PRKN: variants seen among roughly 807,000 people sequenced by gnomAD.
PRKN encodes the protein E3 ubiquitin-protein ligase parkin.
Under a neutral mutation model 59.5 loss-of-function variants are expected in PRKN, and 56 were observed. The ratio of observed to expected loss-of-function variants is 0.94; its 90% CI spans 0.76 to 1.18. PRKN has a LOEUF of 1.18. PRKN is among the 50% of genes most tolerant of loss of function. The probability of loss-of-function intolerance (pLI) is 0.00; values close to 1 mark genes in which losing one functional copy is unlikely to be tolerated. For missense variants in PRKN, 657 were observed against 596.4 expected, an observed-to-expected ratio of 1.10 and a Z score of -1.06; for synonymous variants, 250 against 222.1, an observed-to-expected ratio of 1.13 and a Z score of -1.12.
At chr6:162,025,196 T>C (rs2128277339) in intron 5 of PRKN, among the ~76,000 whole-genome samples, 1 of 152,134 alleles carries the variant, frequency 6.6e-6, no homozygotes, top group South Asian at 2.1e-4. Flanking sequence ...TTTGTATTTT[T>C]AGTAGAGACG....
intron 4 of PRKN, among the ~76,000 whole-genome samples, chr6:162,124,364 T>C (rs1188948948): frequency 6.6e-6 from 1 of 152,238 alleles, no homozygotes. Context: ...GGGATCTGTC[T>C]TTCCCTCGCT....
intron 1 of PRKN, among the ~76,000 whole-genome samples, chr6:162,613,345 G>A (rs1329237114): frequency 6.6e-6 from 1 of 152,048 alleles, no homozygotes; most frequent in Non-Finnish European, 1.5e-5. Context: ...TTAATTTAAG[G>A]GAATTTGTGT....
intron 6 of PRKN, among the ~76,000 whole-genome samples, chr6:161,786,585 C>T (rs1463647719): frequency 4.0e-5 from 6 of 151,782 alleles, no homozygotes; most frequent in Non-Finnish European, 8.8e-5. Flanking sequence ...ATATGTAATA[C>T]AAAACAAAGA....
intron 6 of PRKN, among the ~76,000 whole-genome samples, chr6:161,879,220 T>G (rs1794840772): frequency 6.6e-6 from 1 of 152,120 alleles, no homozygotes; most frequent in African/African-American, 2.4e-5. Context: ...AAATATGGGT[T>G]GAAGGACTAA....
chr6:162,680,941 C>T (rs1189596957), intron 1 of PRKN, among the ~76,000 whole-genome samples: 4 of 152,086 alleles, frequency 2.6e-5, no homozygotes, highest in African/African-American at 9.7e-5. Context: ...TTGGAAAAGG[C>T]ACCATTATAT....
chr6:162,412,381 G>C (rs1394715999), intron 2 of PRKN, among the ~76,000 whole-genome samples: 2 of 151,986 alleles, frequency 1.3e-5, no homozygotes, highest in African/African-American at 2.4e-5. Flanking sequence ...TCACCCACAG[G>C]AAGTGGGGAC....
intron 5 of PRKN, among the ~76,000 whole-genome samples, chr6:162,043,983 A>C (rs1784160878): frequency 6.6e-6 from 1 of 152,188 alleles, no homozygotes; most frequent in South Asian, 2.1e-4. Context: ...AAAGAGTGGC[A>C]CTTCTACCCA....
intron 5 of PRKN, among the ~76,000 whole-genome samples, chr6:161,991,030 T>G (rs150722877): frequency 6.6e-6 from 1 of 152,138 alleles, no homozygotes; most frequent in African/African-American, 2.4e-5. Flanking sequence ...TATATAAAGC[T>G]ATCCCCATCA....
chr6:162,262,534 C>T lies in PRKN; in HGVS notation c.403G>A (p.Gly135Arg), dbSNP rs201052724. The change falls in exon 3 of 12, where the codon GGA (glycine) becomes AGA (arginine). Residue 135 changes from glycine (G) to arginine (R), a missense_variant. By Grantham distance (125) the Gly-to-Arg change is moderately radical. Transcript: ENST00000366898. ...AGAGCATTCCAATTACCTGGACTTCCAGCTGGTGGTGAGTCCTTCCTGCTG... is the reference window on the plus strand; with the variant it reads ...AGAGCATTCCAATTACCTGGACTTCTAGCTGGTGGTGAGTCCTTCCTGCTG... Reference protein sequence around the residue: ...TDSRKDSPPAGSPAGRSIYNS... With the variant: ...TDSRKDSPPARSPAGRSIYNS... 7 of 1,614,050 alleles carry T rather than the reference C, an allele frequency of 4.3e-6. No homozygotes were observed. The highest frequency in any genetic ancestry group is 1.3e-5 in the African/African-American group (1 of 75,026).
chr6:162,106,647 C>T (rs1025221180), intron 4 of PRKN, among the ~76,000 whole-genome samples: 6 of 152,162 alleles, frequency 3.9e-5, no homozygotes, highest in Non-Finnish European at 7.4e-5. Context: ...AAGATTTGCA[C>T]AAGGCAATAC....
intron 6 of PRKN, among the ~76,000 whole-genome samples, chr6:161,803,028 T>C (rs1260423321): frequency 6.6e-6 from 1 of 152,162 alleles, no homozygotes; most frequent in Admixed American, 6.5e-5. Flanking sequence ...AAAACTCCCA[T>C]GTGAAAGACA....
At chr6:161,625,628 G>A (rs956676910) in intron 7 of PRKN, among the ~76,000 whole-genome samples, 2 of 152,148 alleles carry the variant, frequency 1.3e-5, no homozygotes, top group African/African-American at 2.4e-5. Context: ...ATAACCCATC[G>A]TTGAGGGGTA....
At chr6:162,722,784 G>A (rs1778984622) in intron 1 of PRKN, among the ~76,000 whole-genome samples, 1 of 152,106 alleles carries the variant, frequency 6.6e-6, no homozygotes, top group South Asian at 2.1e-4. Flanking sequence ...ATGAAACTAT[G>A]AGGTTTCAAA....
intron 7 of PRKN, among the ~76,000 whole-genome samples, chr6:161,764,225 A>G (rs1473982193): frequency 6.6e-6 from 1 of 152,168 alleles, no homozygotes; most frequent in African/African-American, 2.4e-5. Flanking sequence ...CTGTAATTAT[A>G]TAGCTGCATG....
At chr6:161,573,745 A>T (rs1562534773) in intron 7 of PRKN, among the ~76,000 whole-genome samples, 865 of 32,084 alleles carry the variant, frequency 0.027, 27 homozygotes, top group Middle Eastern at 0.034. Flanking sequence ...AAAAAAAAAA[A>T]AAAAAAAAAA....
rs372072144 is a variant in PRKN, at chr6:161,488,213, G to C, written c.1083+60641C>G. Among the ~76,000 whole-genome samples the C allele has an allele frequency of 1.6e-4, 24 of 152,244 alleles. No individual in the cohort carries two copies. The South Asian group carries it at 4.4e-3, about 28-fold the overall frequency. On this transcript the variant is annotated intron_variant, in intron 9 of 11. Coordinates refer to ENST00000366898, the MANE Select transcript of PRKN (RefSeq NM_004562.3). This position sits in a 1 kb window ranked among gnomAD's most constrained non-coding sequence, Gnocchi z 4.5. ...GCTGAAGGAAGGTCCTCCAGGAAGG[G>C]AGAGTCATGGCCCTAGGAAGAGGAC...
At chr6:161,788,365 T>C (rs1790506419) in intron 6 of PRKN, among the ~76,000 whole-genome samples, 1 of 152,068 alleles carries the variant, frequency 6.6e-6, no homozygotes, top group Non-Finnish European at 1.5e-5. Context: ...GAGGTCCAAG[T>C]CTTGGGGCCT....
At chr6:162,377,403 T>C (rs1006018673) in intron 2 of PRKN, among the ~76,000 whole-genome samples, 1 of 152,192 alleles carries the variant, frequency 6.6e-6, no homozygotes, top group Non-Finnish European at 1.5e-5. Context: ...GCTCTTCTCA[T>C]GGTTTCAACC....
chr6:162,480,682 C>T (rs1194827645), intron 1 of PRKN, among the ~76,000 whole-genome samples: 2 of 152,060 alleles, frequency 1.3e-5, no homozygotes, highest in Non-Finnish European at 1.5e-5. Flanking sequence ...AAGGGCTTCC[C>T]TGACTCTAGC....
Sources: gnomAD v4.1 joint callset for allele counts (sites outside exome capture counted in the v4.1 genomes callset) on GRCh38, gnomAD v4.1.1 for gene constraint, Gnocchi (gnomAD v3.1) non-coding constraint, MANE v1.5 for transcripts, NCBI Gene and HGNC (gene_info 2026-07-23, HGNC 2026-07-21) for gene names.